The following PRIM2 variants were observed in gnomAD, a reference collection of about 807,000 sequenced individuals.
The protein encoded by PRIM2 is DNA primase subunit 2, also known as DNA primase large subunit.
PRIM2 carries 39 observed loss-of-function variants against 67.3 expected under a neutral mutation model. That is an observed-to-expected ratio of 0.58 (90% CI 0.45 to 0.76). The LOEUF (loss-of-function observed/expected upper bound fraction) is 0.76, where lower values mean the gene tolerates loss of function less well. Among genes scored for constraint, PRIM2 ranks in the 30% least tolerant of loss-of-function variants. PRIM2 has a pLI of 0.00. For synonymous variants in PRIM2, 143 were observed against 198.7 expected (o/e 0.72, Z 2.36); for missense variants, 398 against 598.7 (o/e 0.66, Z 3.50).
At chr6:57,615,006 G>C (rs1344315302) in intron 12 of PRIM2, among the ~76,000 whole-genome samples, 39 of 152,176 alleles carry the variant, frequency 2.6e-4, no homozygotes, top group Non-Finnish European at 5.4e-4. Flanking sequence ...GCCTAAGTTA[G>C]ATGTCTGAAG....
chr6:57,237,261 T>A, the PRIM2 span, among the ~76,000 whole-genome samples: 1 of 152,198 alleles, frequency 6.6e-6, no homozygotes, highest in Non-Finnish European at 1.5e-5. Flanking sequence ...TTGATGTGGT[T>A]CTTTGTTTTT....
chr6:57,563,810 G>A (rs1348032636), intron 10 of PRIM2, among the ~76,000 whole-genome samples: 13 of 152,214 alleles, frequency 8.5e-5, no homozygotes, highest in African/African-American at 3.1e-4. Flanking sequence ...ACAGGCACAC[G>A]CCACCATGCC....
chr6:57,566,280 T>A (rs1295803201), intron 10 of PRIM2, among the ~76,000 whole-genome samples: 2 of 152,114 alleles, frequency 1.3e-5, no homozygotes, highest in African/African-American at 4.8e-5. Context: ...ATTTTTCATA[T>A]TATGTCACAT....
At chr6:57,350,477 G>A (rs1389298101) in intron 5 of PRIM2, among the ~76,000 whole-genome samples, 1 of 152,110 alleles carries the variant, frequency 6.6e-6, no homozygotes, top group Non-Finnish European at 1.5e-5. Context: ...TTAAAGGACC[G>A]CTGAAATTTA....
intron 6 of PRIM2, among the ~76,000 whole-genome samples, chr6:57,381,073 A>G (rs928815140): frequency 3.3e-5 from 5 of 152,024 alleles, no homozygotes; most frequent in Non-Finnish European, 7.4e-5. Context: ...CTCATCTGAT[A>G]TGTCCTATGT....
At chr6:57,251,881 C>G in the PRIM2 span, among the ~76,000 whole-genome samples, 3 of 152,166 alleles carry the variant, frequency 2.0e-5, no homozygotes, top group Non-Finnish European at 4.4e-5. Context: ...CTGTAAACTT[C>G]CTTCCAATTT....
At chr6:57,632,816 A>G (rs1163598688) in intron 13 of PRIM2, among the ~76,000 whole-genome samples, 45 of 152,298 alleles carry the variant, frequency 3.0e-4, no homozygotes, top group African/African-American at 9.9e-4. Flanking sequence ...ACTGTAATCC[A>G]CTTCCCAAGT....
At chr6:57,348,965 T>C (rs946419907) in intron 5 of PRIM2, among the ~76,000 whole-genome samples, 7 of 152,124 alleles carry the variant, frequency 4.6e-5, no homozygotes, top group Non-Finnish European at 7.3e-5. Context: ...CAGGATGGTC[T>C]TGATCTCTTG....
In PRIM2 at chr6:57,646,246, C is replaced by T; in HGVS notation, c.*88C>T. ...GTTGAAAAAGGGTTTCACTCTGTCA[C>T]CAAGGCTTAGTGCAGTGACACAATT... On this transcript the variant is annotated 3_prime_UTR_variant, in exon 14 of 14. Coordinates refer to ENST00000615550, the MANE Select transcript of PRIM2 (RefSeq NM_000947.5). The T allele has an allele frequency of 1.5e-6, 1 of 645,442 alleles. No homozygotes were observed. Among genetic ancestry groups the T allele is most frequent in the East Asian group, 2.7e-5 (1 of 37,590 alleles). The allele number at this position is 645,442 out of a possible 1,614,324, so 40.0% of individuals were successfully genotyped here.
chr6:57,584,832 T>C (rs1776159720), intron 10 of PRIM2, among the ~76,000 whole-genome samples: 1 of 152,218 alleles, frequency 6.6e-6, no homozygotes, highest in Admixed American at 6.6e-5. Context: ...TAATACATAC[T>C]TACAGTTTAG....
intron 5 of PRIM2, among the ~76,000 whole-genome samples, chr6:57,333,642 G>C (rs1768130140): frequency 6.6e-6 from 1 of 151,840 alleles, no homozygotes; most frequent in African/African-American, 2.4e-5. Flanking sequence ...ATATTTTCTG[G>C]ATTGGTACTC....
At chr6:57,311,612 C>T (rs113710114), upstream of PRIM2, among the ~76,000 whole-genome samples, 2,874 of 152,258 alleles carry the variant, frequency 0.019, 82 homozygotes, top group African/African-American at 0.066. Context: ...ACGCTGCTCA[C>T]TTCCTAGACG....
chr6:57,304,584 T>C, the PRIM2 span, among the ~76,000 whole-genome samples: 3 of 152,148 alleles, frequency 2.0e-5, no homozygotes, highest in Admixed American at 6.5e-5. Context: ...TAAGAGTTGC[T>C]TGTGTGGCCT....
intron 10 of PRIM2, among the ~76,000 whole-genome samples, chr6:57,553,103 G>A (rs1311512253): frequency 6.6e-6 from 1 of 152,208 alleles, no homozygotes; most frequent in East Asian, 1.9e-4. Context: ...CATATGTAAG[G>A]ATAAAGTCAG....
chr6:57,374,303 A>AT (rs778117079), intron 5 of PRIM2, among the ~76,000 whole-genome samples: 2 of 139,792 alleles, frequency 1.4e-5, no homozygotes, highest in East Asian at 3.9e-4. Flanking sequence ...TTATTTATTT[A>AT]TTTTTTTTGA....
At chr6:57,550,031 G>C (rs2127474586) in intron 10 of PRIM2, among the ~76,000 whole-genome samples, 1 of 152,248 alleles carries the variant, frequency 6.6e-6, no homozygotes, top group East Asian at 1.9e-4. Context: ...GTTGTGGTGA[G>C]CTGAGATCTC....
At chr6:57,380,547 C>T (rs6906827) in intron 6 of PRIM2, among the ~76,000 whole-genome samples, 2,583 of 152,218 alleles carry the variant, frequency 0.017, 69 homozygotes, top group African/African-American at 0.059. Context: ...CAGATAACTA[C>T]GTCACATGAA....
intron 5 of PRIM2, among the ~76,000 whole-genome samples, chr6:57,346,228 A>G (rs1179197671): frequency 6.6e-6 from 1 of 152,140 alleles, no homozygotes; most frequent in East Asian, 1.9e-4. Context: ...TTTGTTCAAG[A>G]TGGAGTTGCT....
At chr6:57,492,426 C>G (rs1367993000) in intron 7 of PRIM2, among the ~76,000 whole-genome samples, 2 of 151,698 alleles carry the variant, frequency 1.3e-5, no homozygotes, top group Non-Finnish European at 2.9e-5. Flanking sequence ...ACCTGTAATC[C>G]CAGCTACTCA....
Sources: allele counts gnomAD v4.1 joint callset (sites outside exome capture counted in the v4.1 genomes callset), GRCh38; gene constraint gnomAD v4.1.1; transcripts MANE v1.5; gene names NCBI Gene and HGNC (gene_info 2026-07-23, HGNC 2026-07-21).